The following CROCC variants were observed in gnomAD, a reference collection of about 807,000 sequenced individuals.
CROCC encodes the protein rootletin.
In CROCC, 180 loss-of-function variants were observed where a neutral mutation model predicts 245.2. That is an observed-to-expected ratio of 0.73 (90% CI 0.65 to 0.83). CROCC has a LOEUF of 0.83. Among genes scored for constraint, CROCC ranks in the 40% least tolerant of loss-of-function variants. The probability of loss-of-function intolerance (pLI) is 0.00; values close to 1 mark genes in which losing one functional copy is unlikely to be tolerated. For synonymous variants in CROCC, 1,205 were observed against 1,241.6 expected (o/e 0.97, Z 0.62); for missense variants, 2,688 against 2,779.4 (o/e 0.97, Z 0.74).
intron 25 of CROCC, among the ~76,000 whole-genome samples, chr1:16,956,600 A>G (rs1261081486): frequency 6.6e-6 from 1 of 152,188 alleles, no homozygotes; most frequent in African/African-American, 2.4e-5. Context: ...CAGTGCATGA[A>G]CAGAGGGGTG....
chr1:16,948,490 G>A lies in CROCC; in HGVS notation c.2674G>A (p.Gly892Ser), dbSNP rs1307195982. The A allele has an allele frequency of 6.4e-7, 1 of 1,552,330 alleles. No individual in the cohort carries two copies. The highest frequency in any genetic ancestry group is 8.7e-7 in the Non-Finnish European group (1 of 1,149,808). The change falls in exon 18 of 37, where the codon GGC becomes AGC. Residue 892 changes from glycine (G) to serine (S), a missense_variant. Coordinates refer to ENST00000375541, the MANE Select transcript of CROCC (RefSeq NM_014675.5). ...AVQLVAAERE[G>S]RTLSEEATRL... ...GCAGCTGGTGGCTGCGGAGCGTGAAGGCAGGACCCTGTCAGAGGAGGCCAC... is the reference window on the plus strand; with the variant it reads ...GCAGCTGGTGGCTGCGGAGCGTGAAAGCAGGACCCTGTCAGAGGAGGCCAC...
chr1:16,965,632 G>C, intron 27 of CROCC, 91 bp from the exon 28 acceptor site: 1 of 947,042 alleles, frequency 1.1e-6, no homozygotes, highest in East Asian at 2.4e-5. Flanking sequence ...TGATTCTGAG[G>C]GCTGTTGGGA....
At chr1:16,932,309 G>A (rs1298610424) in intron 8 of CROCC, among the ~76,000 whole-genome samples, 2 of 152,234 alleles carry the variant, frequency 1.3e-5, no homozygotes, top group Non-Finnish European at 2.9e-5. Flanking sequence ...GCATAGTGGT[G>A]CATGCCTGTA....
chr1:16,946,594 G>A (rs1298573499), intron 16 of CROCC, among the ~76,000 whole-genome samples, 167 bp from the exon 17 acceptor site: 1 of 152,244 alleles, frequency 6.6e-6, no homozygotes, highest in Non-Finnish European at 1.5e-5. Context: ...AGTTCCATGG[G>A]CCCTCCTCAT....
rs373364302 is a variant in CROCC, at chr1:16,922,725, C to T, written c.123C>T (p.Asp41=). ...KGLGARDLAQ[D]AQITSLPALI... ...TGGGCGCGCGGGACCTGGCCCAGGA[C>T]GCTCAGATCACCAGCCTGCCTGCCC... is the stretch of plus-strand genomic sequence containing the variant. The change falls in exon 2 of 37, where the codon GAC becomes GAT. Residue 41 remains aspartate, a synonymous_variant. Coordinates refer to ENST00000375541, the MANE Select transcript of CROCC (RefSeq NM_014675.5). 194 of 1,613,820 alleles carry T rather than the reference C, an allele frequency of 1.2e-4. No homozygotes were observed. The African/African-American group carries it at 1.6e-3, about 14-fold the overall frequency.
At chr1:16,957,420 T>A in intron 25 of CROCC, among the ~76,000 whole-genome samples, 1 of 152,120 alleles carries the variant, frequency 6.6e-6, no homozygotes, top group Non-Finnish European at 1.5e-5. Context: ...AAAAAGTTTT[T>A]AAACTTTTAA....
intron 25 of CROCC, among the ~76,000 whole-genome samples, chr1:16,957,535 C>T (rs1354435848): frequency 5.3e-5 from 8 of 152,208 alleles, no homozygotes; most frequent in Non-Finnish European, 1.0e-4. Context: ...CTCCGCCTCC[C>T]GGGTTCAAGT....
At position 16,922,742 on chromosome 1, in the gene CROCC, T is replaced by C. The variant is rs1355693917; in HGVS notation, c.140T>C (p.Leu47Pro). ...DLAQDAQITSLPALIREIVTR... is the reference protein window; with the variant it reads ...DLAQDAQITSPPALIREIVTR... The stretch of plus-strand genomic sequence containing the variant: ...GCCCAGGACGCTCAGATCACCAGCC[T>C]GCCTGCCCTTATCAGGGAGATTGTC... The change falls in exon 2 of 37, where the codon CTG becomes CCG. Residue 47 changes from leucine (L) to proline (P), a missense_variant. Coordinates refer to ENST00000375541, the MANE Select transcript of CROCC (RefSeq NM_014675.5). The C allele has an allele frequency of 1.2e-6, 2 of 1,613,858 alleles. No individual in the cohort carries two copies. The highest frequency in any genetic ancestry group is 1.7e-6 in the Non-Finnish European group (2 of 1,180,020).
In CROCC at chr1:16,944,810, C is replaced by T. The variant is rs534914697; in HGVS notation, c.1991+528C>T. ...TTCAGAGTTAACCTCTTCACCACTG[C>T]GCTGCTTACCTCTCAGGGACGTGAT... On this transcript the variant is annotated intron_variant, in intron 14 of 36. Transcript: ENST00000375541. 4.6e-5 allele frequency among the ~76,000 whole-genome samples: 7 copies of T among 152,396 alleles called. No individual in the cohort carries two copies. The South Asian group carries it at 6.2e-4, about 14-fold the overall frequency.
chr1:16,919,188 A>T (rs1477225779), upstream of CROCC, among the ~76,000 whole-genome samples: 1 of 152,288 alleles, frequency 6.6e-6, no homozygotes, highest in Non-Finnish European at 1.5e-5. Flanking sequence ...GCATTTATAC[A>T]GCACCGTGGC....
At chr1:16,923,019 C>T (rs113899496) in intron 2 of CROCC, among the ~76,000 whole-genome samples, 149 of 152,352 alleles carry the variant, frequency 9.8e-4, no homozygotes, top group African/African-American at 3.3e-3. Context: ...AAGGAAGGGC[C>T]GAGCATCTCC....
chr1:16,943,407 G>A (rs1176418433), intron 13 of CROCC, among the ~76,000 whole-genome samples: 3 of 151,152 alleles, frequency 2.0e-5, no homozygotes, highest in Non-Finnish European at 3.0e-5. Context: ...ACATGGTGGC[G>A]GGCGCCTGTA....
intron 3 of CROCC, among the ~76,000 whole-genome samples, chr1:16,925,759 A>G (rs1175876497): frequency 1.3e-5 from 2 of 152,262 alleles, no homozygotes; most frequent in African/African-American, 2.4e-5. Flanking sequence ...GGACAAACCC[A>G]CGACTAGTTG....
intron 8 of CROCC, among the ~76,000 whole-genome samples, chr1:16,932,581 A>T (rs1227036068): frequency 7.9e-5 from 12 of 152,256 alleles, no homozygotes; most frequent in Admixed American, 5.2e-4. Context: ...TGGAATTTGC[A>T]CAGAGCCTCA....
intron 30 of CROCC, among the ~76,000 whole-genome samples, chr1:16,968,001 G>A (rs560446951): frequency 1.5e-4 from 23 of 152,278 alleles, no homozygotes; most frequent in African/African-American, 5.3e-4. Context: ...AAACTGGAAG[G>A]TGGGCTCTGG....
intron 9 of CROCC, among the ~76,000 whole-genome samples, 175 bp downstream of exon 9, chr1:16,937,048 C>T (rs1430741600): frequency 6.6e-6 from 1 of 152,290 alleles, no homozygotes. Flanking sequence ...TCATAAACAG[C>T]TTAGCCTCCT....
At chr1:16,938,539 C>G (rs1192636647) in intron 11 of CROCC, 56 bp downstream of exon 11, 1 of 1,476,098 alleles carries the variant, frequency 6.8e-7, no homozygotes, top group African/African-American at 1.4e-5. Flanking sequence ...CCAGGCTCCC[C>G]CGCCACGTCT....
At chr1:16,948,566 C>T (rs1034347938) in intron 18 of CROCC, 42 bp downstream of exon 18, 6 of 1,486,954 alleles carry the variant, frequency 4.0e-6, no homozygotes, top group East Asian at 2.5e-5. Flanking sequence ...GGGGGGTCCT[C>T]CTGGGGCCAC....
chr1:16,918,231 G>A (rs2075330667), upstream of CROCC, among the ~76,000 whole-genome samples: 1 of 148,784 alleles, frequency 6.7e-6, no homozygotes, highest in South Asian at 2.2e-4. Flanking sequence ...GGGCTGGTGA[G>A]CCAAGATTGG....
Sources: gnomAD v4.1 joint callset for allele counts (sites outside exome capture counted in the v4.1 genomes callset) on GRCh38, gnomAD v4.1.1 for gene constraint, MANE v1.5 for transcripts, NCBI Gene and HGNC (gene_info 2026-07-23, HGNC 2026-07-21) for gene names.